The following DENND1B variants were observed in gnomAD, a reference collection of about 807,000 sequenced individuals.
The protein encoded by DENND1B is DENN domain-containing protein 1B.
Under a neutral mutation model 90.1 loss-of-function variants are expected in DENND1B, and 59 were observed. That is an observed-to-expected ratio of 0.65 (90% CI 0.53 to 0.81). DENND1B has a LOEUF of 0.81. Among genes scored for constraint, DENND1B ranks in the 40% least tolerant of loss-of-function variants. The pLI is 0.00. For synonymous variants in DENND1B, 337 were observed against 324.6 expected, an observed-to-expected ratio of 1.04 and a Z score of -0.41; for missense variants, 862 against 912.6, an observed-to-expected ratio of 0.94 and a Z score of 0.71.
At chr1:197,690,807 G>T (rs1029108963) in intron 3 of DENND1B, among the ~76,000 whole-genome samples, 3 of 151,294 alleles carry the variant, frequency 2.0e-5, no homozygotes, top group African/African-American at 4.9e-5. Context: ...ACATTTTTGG[G>T]TTTTTTTTGT....
At chr1:197,753,039 G>A (rs970989491) in intron 2 of DENND1B, among the ~76,000 whole-genome samples, 10 of 151,816 alleles carry the variant, frequency 6.6e-5, no homozygotes, top group South Asian at 2.1e-4. Flanking sequence ...TATCATTGAC[G>A]GACATTTGGG....
At chr1:197,535,473 CAAT>C (rs1211024420) in intron 20 of DENND1B, among the ~76,000 whole-genome samples, 3 of 152,086 alleles carry the variant, frequency 2.0e-5, no homozygotes, top group South Asian at 4.1e-4. Context: ...AGATTAACAA[CAAT>C]AACTGATACT....
At chr1:197,621,823 A>T (rs1424289054) in intron 10 of DENND1B, among the ~76,000 whole-genome samples, 1 of 151,480 alleles carries the variant, frequency 6.6e-6, no homozygotes, top group African/African-American at 2.4e-5. Context: ...TAATTTTCAG[A>T]TAAAAATGAA....
intron 2 of DENND1B, chr1:197,736,165 A>C: frequency 1.8e-6 from 1 of 570,706 alleles, no homozygotes. Flanking sequence ...AAAAGAAAAT[A>C]TAGGTTGGAA....
chr1:197,759,871 A>T (rs2102453410), intron 2 of DENND1B, among the ~76,000 whole-genome samples: 1 of 152,190 alleles, frequency 6.6e-6, no homozygotes, highest in Admixed American at 6.5e-5. Flanking sequence ...CCCAGCTTTT[A>T]AATTTTTAAC....
At position 197,647,078 on chromosome 1, in the gene DENND1B, T is replaced by C. The variant is rs773425124; in HGVS notation, c.484A>G (p.Lys162Glu). 7.5e-6 allele frequency: 11 copies of C among 1,464,870 alleles called. No homozygotes were observed. The South Asian group carries it at 1.2e-4, about 16-fold the overall frequency. 90.7% of individuals were successfully genotyped at this position (1,464,870 alleles called of 1,614,324 possible). ...EIFIACEQVL[K>E]DQPALVPHSY... ...ACCGGTACTAGAGCAGGCTGATCTTTCAGAACTTGCTCACAGGCAATAAAT... is the reference window on the plus strand; with the variant it reads ...ACCGGTACTAGAGCAGGCTGATCTTCCAGAACTTGCTCACAGGCAATAAAT... Residue 162 changes from lysine to glutamate, a missense_variant, in exon 8 of 23, where the codon AAA (lysine) becomes GAA (glutamate). Transcript: ENST00000620048.
At chr1:197,582,132 T>C (rs1674298306) in intron 15 of DENND1B, among the ~76,000 whole-genome samples, 1 of 152,136 alleles carries the variant, frequency 6.6e-6, no homozygotes, top group Admixed American at 6.6e-5. Context: ...ACCTTAACCC[T>C]TTCCTTAATG....
In DENND1B at chr1:197,772,873, TTTTCA is replaced by T; in HGVS notation, c.72_76del (p.Glu25Ter). On this transcript the variant is annotated frameshift_variant, in exon 2 of 23. Coordinates refer to ENST00000620048, the MANE Select transcript of DENND1B (RefSeq NM_001195215.2). LOFTEE classifies it high-confidence loss of function. Reference sequence around the variant, plus strand: ...AGAACACAGAAGACACATACCTTCATTTTCAGAGGCATGACATTTCACTTTCAACA... The same window carrying T: ...AGAACACAGAAGACACATACCTTCATGAGGCATGACATTTCACTTTCAACA... 3 of 1,551,568 alleles carry T rather than the reference TTTTCA, an allele frequency of 1.9e-6. No homozygotes were observed. The highest frequency in any genetic ancestry group is 2.4e-5 in the South Asian group (2 of 84,016).
At chr1:197,604,553 C>G (rs1408818396) in intron 13 of DENND1B, among the ~76,000 whole-genome samples, 1 of 151,146 alleles carries the variant, frequency 6.6e-6, no homozygotes, top group African/African-American at 2.4e-5. Context: ...ACTGGTCAAT[C>G]TGACACAATA....
intron 20 of DENND1B, among the ~76,000 whole-genome samples, chr1:197,525,707 C>T (rs189583862): frequency 2.6e-4 from 39 of 152,026 alleles, no homozygotes; most frequent in Non-Finnish European, 3.4e-4. Flanking sequence ...CATTTTATTT[C>T]TCAGATTTAC....
chr1:197,540,190 T>C, intron 19 of DENND1B, 119 bp from the exon 20 acceptor site: 1 of 481,246 alleles, frequency 2.1e-6, no homozygotes, highest in African/African-American at 2.0e-5. Flanking sequence ...ACTTCAGCTT[T>C]AAGTGTAAAG....
intron 20 of DENND1B, among the ~76,000 whole-genome samples, chr1:197,529,303 T>C (rs983522941): frequency 6.8e-6 from 1 of 147,904 alleles, no homozygotes; most frequent in Admixed American, 6.8e-5. Flanking sequence ...TATATATGTG[T>C]ATATATGTAT....
At chr1:197,735,501 C>G in intron 2 of DENND1B, 1 of 1,591,564 alleles carries the variant, frequency 6.3e-7, no homozygotes, top group Non-Finnish European at 8.6e-7. Flanking sequence ...TTTTGCTTAA[C>G]AGTTTATGTT....
chr1:197,737,212 G>A (rs1355620319), intron 2 of DENND1B, among the ~76,000 whole-genome samples: 1 of 152,108 alleles, frequency 6.6e-6, no homozygotes, highest in African/African-American at 2.4e-5. Context: ...ACAGAATAGT[G>A]GGAAAATCAT....
At chr1:197,756,726 T>A (rs1353773858) in intron 2 of DENND1B, among the ~76,000 whole-genome samples, 1 of 151,826 alleles carries the variant, frequency 6.6e-6, no homozygotes, top group Non-Finnish European at 1.5e-5. Flanking sequence ...ATTATCCTTT[T>A]TATTTAAAAA....
rs554535205 is a variant in DENND1B, at chr1:197,671,459, C to T, written c.296+578G>A. Among the ~76,000 whole-genome samples, 6 of 152,268 alleles carry T rather than the reference C, an allele frequency of 3.9e-5. No homozygotes were observed. The South Asian group carries it at 8.3e-4, about 21-fold the overall frequency. ...AGCTCATGACACAACTAAAAATCTG[C>T]TATTCAGTTCCAGCTTATTGTTGCC... is the stretch of plus-strand genomic sequence containing the variant. On this transcript the variant is annotated intron_variant, in intron 5 of 22. Transcript: ENST00000620048.
chr1:197,535,018 G>A (rs1048768438), intron 20 of DENND1B, among the ~76,000 whole-genome samples: 2 of 152,146 alleles, frequency 1.3e-5, no homozygotes, highest in Non-Finnish European at 2.9e-5. Flanking sequence ...AACCAAAGAA[G>A]CTTCTGCAAT....
rs549589591 is a variant in DENND1B at position 197,528,583 on chromosome 1, G to A, written c.1515+11381C>T. On this transcript the variant is annotated intron_variant, in intron 20 of 22. Transcript: ENST00000620048. ...TTATGCTTAAAACATTCTTATGGCC[G>A]GGCGCGGTGACTCACGCCTGTAATC... Among the ~76,000 whole-genome samples, 12 of 152,194 alleles carry A rather than the reference G, an allele frequency of 7.9e-5. No individual in the cohort carries two copies. The South Asian group carries it at 1.9e-3, about 24-fold the overall frequency.
intron 15 of DENND1B, among the ~76,000 whole-genome samples, chr1:197,576,155 T>C (rs538524092): frequency 1.5e-4 from 22 of 149,010 alleles, no homozygotes; most frequent in Admixed American, 2.0e-4. Context: ...AATGTAAGAG[T>C]TGACGTTTGA....
Sources: gnomAD v4.1 joint callset for allele counts (sites outside exome capture counted in the v4.1 genomes callset) on GRCh38, gnomAD v4.1.1 for gene constraint, MANE v1.5 for transcripts, NCBI Gene and HGNC (gene_info 2026-07-23, HGNC 2026-07-21) for gene names.